Variants in ELMO1 observed in about 807,000 individuals in gnomAD.
ELMO1 encodes the protein engulfment and cell motility protein 1.
A neutral mutation model predicts 98.9 loss-of-function variants in ELMO1; 26 were observed. The observed-to-expected ratio is 0.26, with a 90% CI of 0.19 to 0.36. The LOEUF (loss-of-function observed/expected upper bound fraction) is 0.36. Among genes scored for constraint, ELMO1 ranks in the 10% least tolerant of loss-of-function variants. The pLI, the probability that ELMO1 is intolerant of heterozygous loss-of-function variation, is 1.00. For synonymous variants in ELMO1, 346 were observed against 346.0 expected (o/e 1.00, Z 0.00); for missense variants, 627 against 935.2 (o/e 0.67, Z 4.30).
At chr7:37,103,943 G>A (rs1367465286) in intron 14 of ELMO1, among the ~76,000 whole-genome samples, 2 of 144,768 alleles carry the variant, frequency 1.4e-5, no homozygotes, top group Non-Finnish European at 3.0e-5. Flanking sequence ...CCCGCGAGGC[G>A]GAGCTTGCAG....
intron 16 of ELMO1, among the ~76,000 whole-genome samples, chr7:36,940,876 G>A (rs1018715957): frequency 6.6e-6 from 1 of 152,218 alleles, no homozygotes; most frequent in African/African-American, 2.4e-5. Context: ...AACAGCGACA[G>A]TTATAAAGGA....
intron 1 of ELMO1, among the ~76,000 whole-genome samples, chr7:37,359,609 T>C (rs1471823541): frequency 6.6e-6 from 1 of 152,156 alleles, no homozygotes; most frequent in Non-Finnish European, 1.5e-5. Context: ...ATGGAGTCAC[T>C]GAGGAAACTG....
At chr7:37,413,886 T>C (rs540909736) in intron 1 of ELMO1, among the ~76,000 whole-genome samples, 85 of 152,150 alleles carry the variant, frequency 5.6e-4, no homozygotes, top group Non-Finnish European at 7.9e-4. Flanking sequence ...TCACGTTGCC[T>C]ATTCTGGTCT....
intron 18 of ELMO1, among the ~76,000 whole-genome samples, chr7:36,879,899 G>C (rs1804290149): frequency 6.6e-6 from 1 of 152,188 alleles, no homozygotes; most frequent in Non-Finnish European, 1.5e-5. Flanking sequence ...ATTTAAATTA[G>C]GCAAATGTGT....
At chr7:36,891,647 T>A (rs993588722) in intron 17 of ELMO1, among the ~76,000 whole-genome samples, 1 of 152,224 alleles carries the variant, frequency 6.6e-6, no homozygotes, top group Non-Finnish European at 1.5e-5. Context: ...GTCCCAGGCA[T>A]ATGAAAAGTG....
intron 6 of ELMO1, among the ~76,000 whole-genome samples, chr7:37,250,243 G>A (rs960569408): frequency 2.0e-5 from 3 of 152,024 alleles, no homozygotes; most frequent in Admixed American, 6.6e-5. Context: ...GAAACAGTAC[G>A]CATGCAACAA....
chr7:37,054,471 T>C (rs1158101396), intron 15 of ELMO1, among the ~76,000 whole-genome samples: 3 of 152,104 alleles, frequency 2.0e-5, no homozygotes, highest in Non-Finnish European at 4.4e-5. Flanking sequence ...AGGAAGAAGG[T>C]AGTGTGTGTT....
At chr7:37,331,355 T>TTTTC (rs1479168474) in intron 2 of ELMO1, among the ~76,000 whole-genome samples, 1 of 105,668 alleles carries the variant, frequency 9.5e-6, no homozygotes, top group African/African-American at 3.6e-5. Context: ...TTTTTTTTTT[T>TTTTC]GGAATTTTAG....
chr7:36,935,072 T>C (rs1415252872), intron 16 of ELMO1, among the ~76,000 whole-genome samples: 1 of 152,238 alleles, frequency 6.6e-6, no homozygotes, highest in Non-Finnish European at 1.5e-5. Context: ...AAACCCCATC[T>C]CGAATTGTAG....
At chr7:37,391,516 G>A (rs912927119) in intron 1 of ELMO1, among the ~76,000 whole-genome samples, 2 of 152,248 alleles carry the variant, frequency 1.3e-5, no homozygotes, top group African/African-American at 2.4e-5. Context: ...TCTTATGTTC[G>A]ACCAGTGTAA....
intron 14 of ELMO1, among the ~76,000 whole-genome samples, chr7:37,126,115 G>A (rs974935676): frequency 6.6e-6 from 1 of 151,872 alleles, no homozygotes; most frequent in South Asian, 2.1e-4. Flanking sequence ...CTTGGACACA[G>A]GAAGGGGGAC....
intron 15 of ELMO1, among the ~76,000 whole-genome samples, chr7:37,068,303 A>T (rs1319385981): frequency 6.6e-6 from 1 of 152,194 alleles, no homozygotes; most frequent in Admixed American, 6.5e-5. Context: ...GAGTGACGTT[A>T]AAGAGATATT....
chr7:37,269,020 G>A (rs1050964009), intron 5 of ELMO1, among the ~76,000 whole-genome samples: 14 of 152,254 alleles, frequency 9.2e-5, no homozygotes, highest in Admixed American at 2.6e-4. Context: ...TGAGGCAGAC[G>A]AAGGAACTTC....
At chr7:37,322,586 A>C (rs1199496034) in intron 2 of ELMO1, among the ~76,000 whole-genome samples, 1 of 150,618 alleles carries the variant, frequency 6.6e-6, no homozygotes, top group African/African-American at 2.4e-5. Flanking sequence ...GCGCTACTGC[A>C]CTCCAGCCTG....
At chr7:37,028,467 C>CATGT (rs1252031161) in intron 15 of ELMO1, among the ~76,000 whole-genome samples, 1 of 152,102 alleles carries the variant, frequency 6.6e-6, no homozygotes, top group Non-Finnish European at 1.5e-5. Flanking sequence ...CCATGGCAGA[C>CATGT]ATGTATTCCC....
intron 16 of ELMO1, among the ~76,000 whole-genome samples, chr7:36,907,685 C>T (rs1349859898): frequency 6.6e-6 from 1 of 152,200 alleles, no homozygotes; most frequent in African/African-American, 2.4e-5. Context: ...ATTCTCTCAC[C>T]CGAATGCAGT....
intron 15 of ELMO1, among the ~76,000 whole-genome samples, chr7:37,032,492 G>A (rs1400935362): frequency 1.3e-5 from 2 of 152,136 alleles, no homozygotes; most frequent in African/African-American, 2.4e-5. Flanking sequence ...AAGATACTTC[G>A]CAATGTCCCT....
chr7:37,446,008 C>T (rs1805597199), intron 1 of ELMO1, among the ~76,000 whole-genome samples: 1 of 152,048 alleles, frequency 6.6e-6, no homozygotes, highest in African/African-American at 2.4e-5. Flanking sequence ...TTTCTTCAGG[C>T]AGAAAAAGGG....
intron 1 of ELMO1, among the ~76,000 whole-genome samples, chr7:37,399,823 T>C (rs946555390): frequency 7.2e-5 from 11 of 152,190 alleles, no homozygotes; most frequent in African/African-American, 2.4e-4. Context: ...GTGGGAGTAA[T>C]ACTATAGCTC....
Sources: allele counts gnomAD v4.1 joint callset (sites outside exome capture counted in the v4.1 genomes callset), GRCh38; gene constraint gnomAD v4.1.1; transcripts MANE v1.5; gene names NCBI Gene and HGNC (gene_info 2026-07-23, HGNC 2026-07-21).